CNTN5: variants seen among roughly 807,000 people sequenced by gnomAD.
CNTN5 encodes the protein contactin 5.
A neutral mutation model predicts 129.1 loss-of-function variants in CNTN5; 77 were observed. That is an observed-to-expected ratio of 0.60 (90% confidence interval 0.50 to 0.72). CNTN5 has a LOEUF of 0.72. Ranked by LOEUF, CNTN5 falls within the 30% of genes least tolerant of loss-of-function variation. The pLI is 0.00. For synonymous variants in CNTN5, 509 were observed against 465.6 expected (o/e 1.09, Z -1.20); for missense variants, 1,478 against 1,328.8 (o/e 1.11, Z -1.75).
intron 7 of CNTN5, among the ~76,000 whole-genome samples, chr11:99,948,510 C>G (rs554260306): frequency 3.2e-4 from 48 of 152,148 alleles, no homozygotes; most frequent in African/African-American, 1.2e-3. Context: ...GTCACTATTT[C>G]AAACATCTAA....
At chr11:99,764,581 T>A (rs1166421308) in intron 3 of CNTN5, among the ~76,000 whole-genome samples, 1 of 152,104 alleles carries the variant, frequency 6.6e-6, no homozygotes, top group Non-Finnish European at 1.5e-5. Context: ...CATACCTGGC[T>A]AATTTTGCAT....
chr11:100,260,007 CTGG>C (rs1455277396), intron 17 of CNTN5, among the ~76,000 whole-genome samples: 1 of 152,028 alleles, frequency 6.6e-6, no homozygotes, highest in African/African-American at 2.4e-5. Flanking sequence ...AATCCAGGAG[CTGG>C]TGTTTTGAAA....
chr11:99,553,352 T>C (rs905385774), intron 2 of CNTN5, among the ~76,000 whole-genome samples: 2 of 152,100 alleles, frequency 1.3e-5, no homozygotes, highest in African/African-American at 4.8e-5. Flanking sequence ...TTGGTAACTT[T>C]TATTCATTGA....
intron 3 of CNTN5, among the ~76,000 whole-genome samples, chr11:99,760,828 A>G (rs1040605221): frequency 2.6e-5 from 4 of 152,286 alleles, no homozygotes; most frequent in South Asian, 2.1e-4. Context: ...ATTACTATTT[A>G]TTACACACAC....
chr11:99,857,932 C>T (rs1394144297), intron 6 of CNTN5, among the ~76,000 whole-genome samples: 1 of 151,968 alleles, frequency 6.6e-6, no homozygotes, highest in Admixed American at 6.6e-5. Flanking sequence ...AACCAAGCAA[C>T]AAAACGTGTT....
chr11:100,333,280 C>G (rs1196074006), intron 21 of CNTN5, among the ~76,000 whole-genome samples: 1 of 151,922 alleles, frequency 6.6e-6, no homozygotes, highest in East Asian at 1.9e-4. Flanking sequence ...ATAGACAACA[C>G]AAATTGAAAC....
intron 3 of CNTN5, among the ~76,000 whole-genome samples, chr11:99,715,632 A>T (rs1251498756): frequency 6.6e-6 from 1 of 151,978 alleles, no homozygotes; most frequent in Non-Finnish European, 1.5e-5. Context: ...ATAAACAAAA[A>T]GAAAGATCAG....
intron 21 of CNTN5, among the ~76,000 whole-genome samples, chr11:100,322,514 G>A (rs796383232): frequency 3.9e-5 from 6 of 152,262 alleles, no homozygotes; most frequent in Non-Finnish European, 7.3e-5. Context: ...GAGCCACTGC[G>A]CCCGGCCTCG....
In CNTN5 at chr11:99,450,257, A is replaced by AATATAT. The variant is rs56270711; in HGVS notation, c.-70-105865_-70-105860dup. ...TTTGGCAAAAAGTATTGCTGGTAGA[A>AATATAT]ATATATATATATATATATATATATA... On this transcript the variant is annotated intron_variant, in intron 2 of 24. Transcript: ENST00000524871. 1.6e-3 allele frequency among the ~76,000 whole-genome samples: 230 copies of AATATAT among 145,982 alleles called. 1 individual carries two copies. Among genetic ancestry groups the AATATAT allele is most frequent in the African/African-American group, 4.6e-3 (181 of 39,646 alleles).
chr11:100,288,229 A>C (rs538941700), intron 18 of CNTN5, among the ~76,000 whole-genome samples: 2 of 152,258 alleles, frequency 1.3e-5, no homozygotes, highest in African/African-American at 4.8e-5. Flanking sequence ...GATACCCAGG[A>C]ATTGAACTCA....
In CNTN5 at chr11:99,486,906, G is replaced by A. The variant is rs74638401; in HGVS notation, c.-70-69239G>A. Among the ~76,000 whole-genome samples the A allele has an allele frequency of 1.4e-3, 207 of 152,232 alleles. 9 individuals are homozygous for A. The East Asian group carries it at 0.037, about 27-fold the overall frequency. Reference sequence around the variant, plus strand: ...TTGGCTATAAAATGATGGGAAATAAGGCTTATAGACAGTGAGCTATATTAT... The same window carrying A: ...TTGGCTATAAAATGATGGGAAATAAAGCTTATAGACAGTGAGCTATATTAT... On this transcript the variant is annotated intron_variant, in intron 2 of 24. Transcript: ENST00000524871.
chr11:99,549,048 G>A (rs747908786), intron 2 of CNTN5, among the ~76,000 whole-genome samples: 55 of 150,452 alleles, frequency 3.7e-4, no homozygotes, highest in Non-Finnish European at 7.1e-4. Flanking sequence ...CTACTTTTAG[G>A]TAATCTTTTT....
intron 13 of CNTN5, among the ~76,000 whole-genome samples, chr11:100,138,255 A>G (rs1270573352): frequency 4.6e-5 from 7 of 151,668 alleles, no homozygotes; most frequent in Non-Finnish European, 5.9e-5. Flanking sequence ...TAAGGAAAAA[A>G]AAAAATGAAC....
intron 17 of CNTN5, among the ~76,000 whole-genome samples, chr11:100,261,420 C>CT (rs1291664295): frequency 2.0e-5 from 3 of 152,190 alleles, no homozygotes; most frequent in Non-Finnish European, 4.4e-5. Context: ...CTGTCATTGA[C>CT]TTTCTTCACA....
At chr11:99,739,288 T>C (rs1943816378) in intron 3 of CNTN5, among the ~76,000 whole-genome samples, 1 of 152,122 alleles carries the variant, frequency 6.6e-6, no homozygotes, top group Admixed American at 6.6e-5. Flanking sequence ...TTTATCAAGA[T>C]GGTTCATATG....
At chr11:99,040,770 T>A (rs1863954472) in intron 1 of CNTN5, among the ~76,000 whole-genome samples, 1 of 152,142 alleles carries the variant, frequency 6.6e-6, no homozygotes, top group African/African-American at 2.4e-5. Context: ...TATCAATTTT[T>A]AAATGTTTTG....
chr11:99,462,363 T>TTC (rs1270015016), intron 2 of CNTN5, among the ~76,000 whole-genome samples: 4 of 139,464 alleles, frequency 2.9e-5, no homozygotes, highest in East Asian at 2.2e-4. Flanking sequence ...TTCTTTTCTT[T>TTC]TTTTTTTTTT....
At chr11:99,405,377 C>G (rs6590099) in intron 2 of CNTN5, among the ~76,000 whole-genome samples, 113,158 of 151,810 alleles carry the variant, frequency 0.75, 43,028 homozygotes, top group African/African-American at 0.9. Flanking sequence ...GATCCTATAG[C>G]TGTGCTTCAT....
chr11:99,606,674 A>G (rs866731709), intron 3 of CNTN5, among the ~76,000 whole-genome samples: 15,371 of 129,060 alleles, frequency 0.12, 1,587 homozygotes, highest in Non-Finnish European at 0.15. Flanking sequence ...AGCTGGAGAC[A>G]TCACACTACC....
Sources: allele counts gnomAD v4.1 joint callset (sites outside exome capture counted in the v4.1 genomes callset), GRCh38; gene constraint gnomAD v4.1.1; transcripts MANE v1.5; gene names NCBI Gene and HGNC (gene_info 2026-07-23, HGNC 2026-07-21).